Variants in LRRC41 observed in about 807,000 individuals in gnomAD.
The protein encoded by LRRC41 is leucine rich repeat containing 41, also known as leucine-rich repeat-containing protein 41.
In LRRC41, 17 loss-of-function variants were observed where a neutral mutation model predicts 72.1. That is an observed-to-expected ratio of 0.24 (90% CI 0.16 to 0.35). LRRC41 has a LOEUF of 0.35. LRRC41 is among the 10% of genes least tolerant of loss of function. LRRC41 has a pLI of 1.00. For missense variants in LRRC41, 759 were observed against 1,065.0 expected (o/e 0.71, Z 4.00); for synonymous variants, 427 against 431.0 (o/e 0.99, Z 0.11).
intron 3 of LRRC41, among the ~76,000 whole-genome samples, chr1:46,290,771 T>A (rs1208460297): frequency 1.3e-5 from 2 of 152,128 alleles, no homozygotes; most frequent in Non-Finnish European, 2.9e-5. Context: ...CATGTCCAGC[T>A]AATTTTTTGG....
chr1:46,287,219 C>T (rs750850095), intron 3 of LRRC41, among the ~76,000 whole-genome samples: 7 of 151,554 alleles, frequency 4.6e-5, no homozygotes, highest in Non-Finnish European at 1.0e-4. Context: ...CACCATTCAC[C>T]TGCCTCAGCC....
chr1:46,287,675 G>T (rs992421508), intron 3 of LRRC41, among the ~76,000 whole-genome samples: 1 of 152,132 alleles, frequency 6.6e-6, no homozygotes, highest in Non-Finnish European at 1.5e-5. Flanking sequence ...ACATCTACCA[G>T]AAATGTCTCC....
rs1342713380 is a variant in LRRC41 at position 46,285,478 on chromosome 1, C to T, written c.1379G>A (p.Arg460His). 5 of 1,614,026 alleles carry T rather than the reference C, an allele frequency of 3.1e-6. No homozygotes were observed. Among genetic ancestry groups the T allele is most frequent in the African/African-American group, 1.3e-5 (1 of 74,918 alleles). ...GAATAGCTCCAAGGTGGAGATGCTG[C>T]GGAATCTTTGTGAAGCTTCCAGTGC... ...LPALEASQRF[R>H]SISTLELFTV... is the part of the protein sequence containing the mutation. Residue 460 changes from arginine to histidine, a missense_variant, in exon 4 of 10, where the codon CGC (arginine) becomes CAC (histidine). This residue lies in a region of LRRC41 where 427 missense variants were observed against 520.9 expected (regional missense o/e 0.82). Transcript: ENST00000617190. This position sits in a 1 kb window ranked among gnomAD's most constrained non-coding sequence, Gnocchi z 5.3.
chr1:46,300,229 G>A (rs1183321133), intron 1 of LRRC41: 1 of 152,192 alleles, frequency 6.6e-6, no homozygotes, highest in Non-Finnish European at 1.5e-5. Flanking sequence ...CTACTCGAGA[G>A]GCTGAGATGG....
At chr1:46,283,394 G>A (rs1026853652) in intron 4 of LRRC41, among the ~76,000 whole-genome samples, 1 of 152,160 alleles carries the variant, frequency 6.6e-6, no homozygotes, top group Non-Finnish European at 1.5e-5. Flanking sequence ...CGAGGTTGGT[G>A]GATCACTTGA....
At position 46,302,184 on chromosome 1, in the gene LRRC41, C is replaced by T; in HGVS notation, c.199+940G>A. On this transcript the variant is annotated intron_variant, in intron 1 of 9. Transcript: ENST00000617190. The surrounding 1 kb of genome is among the most constrained non-coding windows in gnomAD (Gnocchi z 4.7). The stretch of plus-strand genomic sequence containing the variant: ...CGGCCGCCTTCAGGCCTGGGGCCCC[C>T]GTTCACTCCCATTCAGCCCAAGGCC... 1 of 985,408 alleles carries T rather than the reference C, an allele frequency of 1.0e-6. No homozygotes were observed. The highest frequency in any genetic ancestry group is 1.2e-6 in the Non-Finnish European group (1 of 829,896). 61.0% of individuals were successfully genotyped at this position (985,408 alleles called of 1,614,324 possible).
In LRRC41 at chr1:46,285,391, G is replaced by A. The variant is rs765114123; in HGVS notation, c.1466C>T (p.Ser489Leu). The A allele has an allele frequency of 6.2e-7, 1 of 1,614,124 alleles. No homozygotes were observed. Among genetic ancestry groups the A allele is most frequent in the Non-Finnish European group, 8.5e-7 (1 of 1,179,994 alleles). The change falls in exon 4 of 10, where the codon TCA becomes TTA. Residue 489 changes from serine (S) to leucine (L), a missense_variant. Ser to Leu is a moderately radical substitution (Grantham distance 145, BLOSUM62 -2). Coordinates refer to ENST00000617190, the MANE Select transcript of LRRC41 (RefSeq NM_006369.5). The surrounding 1 kb of genome is among the most constrained non-coding windows in gnomAD (Gnocchi z 5.3). ...GTAGGAGAGTGTGAGGCTCTCCAGT[G>A]ACACCCAGGAGCTCAGCAGGTGGCA... ...TLCHLLSSWV[S>L]LESLTLSYNG...
Position 46,303,375 on chromosome 1 carries a change from A to T in LRRC41, c.-53T>A. ...GTCGCCCGCGGACCGCCATCTTGAA[A>T]AGGTCAGCAGTTAGGACGGCTCCAT... On this transcript the variant is annotated 5_prime_UTR_variant, in exon 1 of 10. Transcript: ENST00000617190. 1 of 1,450,650 alleles carries T rather than the reference A, an allele frequency of 6.9e-7. No individual in the cohort carries two copies. Among genetic ancestry groups the T allele is most frequent in the South Asian group, 1.3e-5 (1 of 74,144 alleles). The allele number at this position is 1,450,650 out of a possible 1,614,324, so 89.9% of individuals were successfully genotyped here.
chr1:46,294,907 A>C (rs918105498), intron 3 of LRRC41, among the ~76,000 whole-genome samples: 7 of 152,112 alleles, frequency 4.6e-5, no homozygotes, highest in African/African-American at 1.7e-4. Context: ...TTTATTGTTT[A>C]TACAAAAGTC....
rs1433615171 is a variant in LRRC41 at position 46,302,919 on chromosome 1, G to A, written c.199+205C>T. 5.1e-6 allele frequency: 5 copies of A among 981,656 alleles called. No individual in the cohort carries two copies. The highest frequency in any genetic ancestry group is 4.7e-5 in the South Asian group (1 of 21,124). 60.8% of individuals were successfully genotyped at this position (981,656 alleles called of 1,614,324 possible). On this transcript the variant is annotated intron_variant, in intron 1 of 9. Coordinates refer to ENST00000617190, the MANE Select transcript of LRRC41 (RefSeq NM_006369.5). The surrounding 1 kb of genome is among the most constrained non-coding windows in gnomAD (Gnocchi z 4.7). ...CCGCGCCCCCGAGCCAGGCCGCGGT[G>A]CGGGTCAGCCTGCCCATTTAGGTCT... is the stretch of plus-strand genomic sequence containing the variant.
At chr1:46,280,597 T>A (rs778596894) in intron 5 of LRRC41, 37 bp from the exon 6 acceptor site, 3 of 1,605,202 alleles carry the variant, frequency 1.9e-6, no homozygotes, top group Non-Finnish European at 2.6e-6. Flanking sequence ...CAGCTGGCCA[T>A]CTCTACCTCA....
Position 46,279,696 on chromosome 1 carries a change from G to A in LRRC41, c.2021-82C>T. On this transcript the variant is annotated intron_variant, in intron 7 of 9. Coordinates refer to ENST00000617190, the MANE Select transcript of LRRC41 (RefSeq NM_006369.5). The surrounding 1 kb of genome is among the most constrained non-coding windows in gnomAD (Gnocchi z 4.5). ...TCCTGCCCCAGTTGGCCCTAGCAAG[G>A]GGTATTAACATTATAGAGGCCCAAA... is the stretch of plus-strand genomic sequence containing the variant. 6.4e-7 allele frequency: 1 copy of A among 1,554,482 alleles called. No homozygotes were observed.
chr1:46,280,749 G>A (rs1233842347), intron 5 of LRRC41, among the ~76,000 whole-genome samples, 189 bp from the exon 6 acceptor site: 1 of 152,200 alleles, frequency 6.6e-6, no homozygotes, highest in Non-Finnish European at 1.5e-5. Context: ...TTTAGTCCTT[G>A]CCCTTGTAGA....
rs369909286 is a variant in LRRC41, at chr1:46,285,883, C to T, written c.974G>A (p.Arg325Gln). ...TGCTGTCAGGCTCTCCTGTGTGCTC[C>T]GGCGTGTTACCCGAGTGGCAGGTGC... Reference protein sequence around the residue: ...RAAPATRVTRRSTQESLTAGG... With the variant: ...RAAPATRVTRQSTQESLTAGG... Residue 325 changes from arginine to glutamine, a missense_variant, in exon 4 of 10, where the codon CGG becomes CAG. Physicochemically the swap from Arg to Gln is conservative, Grantham distance 43. This residue lies in a region of LRRC41 where 427 missense variants were observed against 520.9 expected (regional missense o/e 0.82). Transcript: ENST00000617190. The surrounding 1 kb of genome is among the most constrained non-coding windows in gnomAD (Gnocchi z 5.3). 2.7e-5 allele frequency: 42 copies of T among 1,561,244 alleles called. No individual in the cohort carries two copies. In the African/African-American group the frequency reaches 4.1e-4, roughly 15 times the overall value.
At position 46,302,694 on chromosome 1, in the gene LRRC41, G is replaced by GGCCTT. The variant is rs1276899496; in HGVS notation, c.199+425_199+429dup. The GGCCTT allele has an allele frequency of 8.1e-6, 8 of 985,176 alleles. No individual in the cohort carries two copies. The highest frequency in any genetic ancestry group is 9.6e-6 in the Non-Finnish European group (8 of 829,846). The allele number at this position is 985,176 out of a possible 1,614,324, so 61.0% of individuals were successfully genotyped here. A position where few individuals can be genotyped will look rare whatever the true frequency, so the allele number is the denominator to read the frequency against. ...GGTTCGGTGGCCCCGGGCCTGGCCT[G>GGCCTT]GCCTTGCCTTAGGCCGGGCCTCCTA... On this transcript the variant is annotated intron_variant, in intron 1 of 9. Transcript: ENST00000617190. The surrounding 1 kb of genome is among the most constrained non-coding windows in gnomAD (Gnocchi z 4.7).
In LRRC41 at chr1:46,294,983, G is replaced by A. The variant is rs72883410; in HGVS notation, c.357+2580C>T. On this transcript the variant is annotated intron_variant, in intron 3 of 9. Transcript: ENST00000617190. ...TCCAAATAGCTAACCAATTGCTAGA[G>A]AATAATTTATTGGGTAAATCTTAAT... 8.2e-3 allele frequency among the ~76,000 whole-genome samples: 1,253 copies of A among 152,274 alleles called. 19 individuals are homozygous for A. The highest frequency in any genetic ancestry group is 0.037 in the Middle Eastern group (11 of 294).
chr1:46,281,968 A>G (rs1026312000), intron 4 of LRRC41, among the ~76,000 whole-genome samples: 1 of 152,014 alleles, frequency 6.6e-6, no homozygotes, highest in Non-Finnish European at 1.5e-5. Context: ...AGTCCCAGCT[A>G]CTCGGGAGGC....
rs769231973 is a variant in LRRC41, at chr1:46,285,679, C to T, written c.1178G>A (p.Arg393Gln). The T allele has an allele frequency of 1.1e-5, 18 of 1,614,116 alleles. No homozygotes were observed. In the Admixed American group the frequency reaches 1.3e-4, roughly 12 times the overall value. Residue 393 changes from arginine (R) to glutamine (Q), a missense_variant, in exon 4 of 10, where the codon CGA becomes CAA. Arg to Gln is a conservative substitution (Grantham distance 43, BLOSUM62 1). Transcript: ENST00000617190. This position sits in a 1 kb window ranked among gnomAD's most constrained non-coding sequence, Gnocchi z 5.3. ...PQPKPLKRFK[R>Q]AAGKKGARTR... ...GCGAGCACCCTTCTTCCCTGCAGCT[C>T]GCTTGAAACGCTTTAGGGGCTTAGG...
chr1:46,301,989 CTT>C (rs1411809322), intron 1 of LRRC41: 2 of 985,308 alleles, frequency 2.0e-6, no homozygotes, highest in African/African-American at 3.5e-5. Flanking sequence ...ACTTTCCCCT[CTT>C]TCACTTGCCC....
Sources: gnomAD v4.1 joint callset for allele counts (sites outside exome capture counted in the v4.1 genomes callset) on GRCh38, gnomAD v4.1.1 for gene constraint, gnomAD v4.1.1 regional missense constraint, Gnocchi (gnomAD v3.1) non-coding constraint, MANE v1.5 for transcripts, NCBI Gene and HGNC (gene_info 2026-07-23, HGNC 2026-07-21) for gene names.